DGKI: variants seen among roughly 807,000 people sequenced by gnomAD.
The protein encoded by DGKI is diacylglycerol kinase iota.
DGKI carries 55 observed loss-of-function variants against 147.5 expected under a neutral mutation model. The observed-to-expected ratio is 0.37, with a 90% confidence interval of 0.30 to 0.47. The LOEUF is 0.47. DGKI is among the 20% of genes least tolerant of loss of function. The pLI is 1.00. For missense variants in DGKI, 1,007 were observed against 1,323.8 expected (o/e 0.76, Z 3.71); for synonymous variants, 469 against 477.1 (o/e 0.98, Z 0.22).
rs924978827 is a variant in DGKI at position 137,519,505 on chromosome 7, T to C, written c.2248+2361A>G. 1.1e-4 allele frequency among the ~76,000 whole-genome samples: 16 copies of C among 152,226 alleles called. No homozygotes were observed. The East Asian group carries it at 3.1e-3, about 29-fold the overall frequency. ...CAATAAATGAATGACCTAAGAGGAT[T>C]CACTCTCTTTGTTCTGGGATGCAGG... On this transcript the variant is annotated intron_variant, in intron 21 of 32. Coordinates refer to ENST00000614521, the MANE Select transcript of DGKI (RefSeq NM_001321708.2).
intron 23 of DGKI, among the ~76,000 whole-genome samples, chr7:137,485,103 G>T (rs1165612700): frequency 1.3e-5 from 2 of 152,020 alleles, no homozygotes; most frequent in African/African-American, 4.8e-5. Context: ...AGTTTCAGCT[G>T]AGTTTTCTGG....
chr7:137,611,291 T>C (rs1003460889), intron 8 of DGKI, among the ~76,000 whole-genome samples: 4 of 152,134 alleles, frequency 2.6e-5, no homozygotes, highest in African/African-American at 9.7e-5. Context: ...ATGCTCTAAA[T>C]GCTTCTCAAC....
chr7:137,719,977 T>C (rs1794496384), intron 1 of DGKI, among the ~76,000 whole-genome samples: 1 of 152,186 alleles, frequency 6.6e-6, no homozygotes, highest in African/African-American at 2.4e-5. Flanking sequence ...CATGATTACG[T>C]GCAGGATAAG....
chr7:137,600,266 GTGAA>G (rs1819943355), intron 10 of DGKI, among the ~76,000 whole-genome samples: 1 of 152,088 alleles, frequency 6.6e-6, no homozygotes, highest in South Asian at 2.1e-4. Flanking sequence ...TAATAAGTGA[GTGAA>G]TGAATGATGA....
At chr7:137,812,851 T>C (rs138559951) in intron 1 of DGKI, among the ~76,000 whole-genome samples, 105 of 152,294 alleles carry the variant, frequency 6.9e-4, no homozygotes, top group Middle Eastern at 6.8e-3. Context: ...ATTAGGTATA[T>C]AGTCATATTT....
chr7:137,472,937 A>G (rs1815037517), intron 23 of DGKI, among the ~76,000 whole-genome samples: 1 of 152,162 alleles, frequency 6.6e-6, no homozygotes, highest in African/African-American at 2.4e-5. Context: ...GAAAAAATAC[A>G]GGAATGCTTG....
chr7:137,742,804 T>C (rs928566956), intron 1 of DGKI, among the ~76,000 whole-genome samples: 1 of 152,200 alleles, frequency 6.6e-6, no homozygotes, highest in Non-Finnish European at 1.5e-5. Flanking sequence ...ACCACTAAAA[T>C]TTTATGCATA....
chr7:137,836,577 A>G (rs540878981), intron 1 of DGKI, among the ~76,000 whole-genome samples: 13 of 152,292 alleles, frequency 8.5e-5, no homozygotes, highest in African/African-American at 2.9e-4. Context: ...CCTCCCTTCA[A>G]GTTCCACTGT....
Position 137,587,181 on chromosome 7 carries a change from T to C in DGKI, c.1341A>G (p.Glu447=). The C allele has an allele frequency of 6.2e-7, 1 of 1,612,946 alleles. No homozygotes were observed. Among genetic ancestry groups the C allele is most frequent in the Non-Finnish European group, 8.5e-7 (1 of 1,179,588 alleles). ...CAGGAGGCTGAGGGCTCAGCTGCAG[T>C]TCATCCAGGATGGAAAGGATCCAGC... The part of the protein sequence containing the change: ...TVGWILSILD[E]LQLSPQPPVG... Residue 447 remains glutamate, a synonymous_variant, in exon 13 of 33, where the codon GAA becomes GAG. Transcript: ENST00000614521.
Position 137,691,930 on chromosome 7 carries a change from C to T in DGKI, c.402-1928G>A, listed in dbSNP as rs535975252. Among the ~76,000 whole-genome samples, 6 of 151,106 alleles carry T rather than the reference C, an allele frequency of 4.0e-5. No homozygotes were observed. The South Asian group carries it at 1.3e-3, about 32-fold the overall frequency. On this transcript the variant is annotated intron_variant, in intron 1 of 32. Transcript: ENST00000614521. The stretch of plus-strand genomic sequence containing the variant: ...GGTAGCCTACTTTCAAAAGCTCCCA[C>T]TGGGTAACAGACAATTTACTTGCTT...
At chr7:137,586,670 CAAAAT>C (rs1290922522) in intron 13 of DGKI, among the ~76,000 whole-genome samples, 1 of 150,840 alleles carries the variant, frequency 6.6e-6, no homozygotes, top group Admixed American at 6.6e-5. Flanking sequence ...CAAAACAAAA[CAAAAT>C]AAAATGCTAA....
chr7:137,569,586 G>T (rs182285244), intron 19 of DGKI, among the ~76,000 whole-genome samples: 1 of 151,160 alleles, frequency 6.6e-6, no homozygotes, highest in Non-Finnish European at 1.5e-5. Context: ...AAAATTAGCC[G>T]GGCGTGGTGG....
At chr7:137,805,995 T>A (rs1797352626) in intron 1 of DGKI, among the ~76,000 whole-genome samples, 1 of 152,232 alleles carries the variant, frequency 6.6e-6, no homozygotes, top group African/African-American at 2.4e-5. Flanking sequence ...TTGAGCCAGA[T>A]AAGAGCAAGG....
chr7:137,608,906 A>G, intron 10 of DGKI, 60 bp downstream of exon 10: 1 of 1,291,398 alleles, frequency 7.7e-7, no homozygotes, highest in Non-Finnish European at 1.1e-6. Context: ...TGGCAGTGAG[A>G]GTTGTGTCGT....
At chr7:137,700,982 G>C (rs1053352698) in intron 1 of DGKI, among the ~76,000 whole-genome samples, 1 of 152,154 alleles carries the variant, frequency 6.6e-6, no homozygotes, top group African/African-American at 2.4e-5. Flanking sequence ...ACAAAGAGAA[G>C]TCAGGTTTCT....
intron 28 of DGKI, among the ~76,000 whole-genome samples, chr7:137,433,511 C>T (rs989611710): frequency 2.6e-5 from 4 of 152,138 alleles, no homozygotes; most frequent in Non-Finnish European, 4.4e-5. Context: ...TAACAATTAG[C>T]CTCACATGAG....
At chr7:137,559,379 A>G (rs546286763) in intron 19 of DGKI, among the ~76,000 whole-genome samples, 39 of 152,138 alleles carry the variant, frequency 2.6e-4, no homozygotes, top group African/African-American at 8.9e-4. Context: ...CCTTGTACCT[A>G]CAATTCTATA....
rs1201882185 is a variant in DGKI, at chr7:137,384,674, G to A, written c.*6546C>T. ...TGAACCCCAACTGAAGCTCAAACATGTCAATACATCATAACGCTAAAGCAC... is the reference window on the plus strand; with the variant it reads ...TGAACCCCAACTGAAGCTCAAACATATCAATACATCATAACGCTAAAGCAC... On this transcript the variant is annotated 3_prime_UTR_variant, in exon 33 of 33. Transcript: ENST00000614521. The A allele has an allele frequency of 6.6e-6, 1 of 151,982 alleles. No individual in the cohort carries two copies. The highest frequency in any genetic ancestry group is 1.5e-5 in the Non-Finnish European group (1 of 67,958). 9.4% of individuals were successfully genotyped at this position (151,982 alleles called of 1,614,324 possible). A position where few individuals can be genotyped will look rare whatever the true frequency, so the allele number is the denominator to read the frequency against.
At chr7:137,578,229 T>A (rs1819055676) in intron 16 of DGKI, 41 bp downstream of exon 16, 3 of 1,415,112 alleles carry the variant, frequency 2.1e-6, no homozygotes, top group Admixed American at 1.7e-5. Context: ...GAATTGGCAA[T>A]AAGTAATATG....
Sources: gnomAD v4.1 joint callset for allele counts (sites outside exome capture counted in the v4.1 genomes callset) on GRCh38, gnomAD v4.1.1 for gene constraint, MANE v1.5 for transcripts, NCBI Gene and HGNC (gene_info 2026-07-23, HGNC 2026-07-21) for gene names.